Variants in DNAJB11 observed in about 807,000 individuals in gnomAD.
The protein encoded by DNAJB11 is DnaJ heat shock protein family (Hsp40) member B11, also known as dnaJ homolog subfamily B member 11.
A neutral mutation model predicts 47.2 loss-of-function variants in DNAJB11; 30 were observed. The ratio of observed to expected loss-of-function variants is 0.64; its 90% CI spans 0.48 to 0.86. The LOEUF is 0.86. Ranked by LOEUF, DNAJB11 falls within the 40% of genes least tolerant of loss-of-function variation. The pLI is 0.00. For missense variants in DNAJB11, 357 were observed against 440.2 expected (o/e 0.81, Z 1.69); for synonymous variants, 151 against 159.9 (o/e 0.94, Z 0.42).
intron 7 of DNAJB11, among the ~76,000 whole-genome samples, 188 bp downstream of exon 7, chr3:186,582,961 T>C (rs184418079): frequency 1.1e-4 from 16 of 152,336 alleles, no homozygotes; most frequent in African/African-American, 3.6e-4. Context: ...ATTTATTTAC[T>C]TAGGACTTAA....
At chr3:186,572,019 G>A in intron 1 of DNAJB11, 76 bp from the exon 2 acceptor site, 1 of 1,330,674 alleles carries the variant, frequency 7.5e-7, no homozygotes, top group Non-Finnish European at 1.0e-6. Context: ...TAAATGTAGA[G>A]GAAAAATAAA....
chr3:186,579,195 GGA>G (rs1715400810), intron 4 of DNAJB11: 1 of 152,108 alleles, frequency 6.6e-6, no homozygotes, highest in Non-Finnish European at 1.5e-5. Flanking sequence ...TTTAAATTCT[GGA>G]AAATATGTCT....
chr3:186,585,449 G>C lies in DNAJB11; in HGVS notation c.*41G>C. 6.8e-7 allele frequency: 1 copy of C among 1,475,902 alleles called. No homozygotes were observed. The highest frequency in any genetic ancestry group is 9.3e-7 in the Non-Finnish European group (1 of 1,073,014). The allele number at this position is 1,475,902 out of a possible 1,614,324, so 91.4% of individuals were successfully genotyped here. On this transcript the variant is annotated 3_prime_UTR_variant, in exon 10 of 10. Coordinates refer to ENST00000265028, the MANE Select transcript of DNAJB11 (RefSeq NM_016306.6). Reference sequence around the variant, plus strand: ...GACTTTGTTTAAAATAAGTGAATAAGCGATATTTATTATCTGCAAGGTTTT... The same window carrying C: ...GACTTTGTTTAAAATAAGTGAATAACCGATATTTATTATCTGCAAGGTTTT...
At position 186,572,421 on chromosome 3, in the gene DNAJB11, A is replaced by G. The variant is rs536442302; in HGVS notation, c.225+170A>G. Among the ~76,000 whole-genome samples, 192 of 152,174 alleles carry G rather than the reference A, an allele frequency of 1.3e-3. 1 individual carries two copies. The highest frequency in any genetic ancestry group is 4.4e-3 in the African/African-American group (184 of 41,504). On this transcript the variant is annotated intron_variant, in intron 2 of 9. Transcript: ENST00000265028. Reference sequence around the variant, plus strand: ...CAGTGGTGCAATCTCCGCTCACTGCAACGTCCACCTCCTGGGTTCAAGCAG... The same window carrying G: ...CAGTGGTGCAATCTCCGCTCACTGCGACGTCCACCTCCTGGGTTCAAGCAG...
At position 186,583,869 on chromosome 3, in the gene DNAJB11, C is replaced by T. The variant is rs1715569952; in HGVS notation, c.745C>T (p.Pro249Ser). 1 of 1,609,506 alleles carries T rather than the reference C, an allele frequency of 6.2e-7. No individual in the cohort carries two copies. The highest frequency in any genetic ancestry group is 8.5e-7 in the Non-Finnish European group (1 of 1,176,410). The change falls in exon 8 of 10, where the codon CCA (proline) becomes TCA (serine). Residue 249 changes from proline to serine, a missense_variant. Coordinates refer to ENST00000265028, the MANE Select transcript of DNAJB11 (RefSeq NM_016306.6). ...TTTACCTTATTCTGTTTTTAGGCAC[C>T]CAATATTTGAAAGGAGAGGAGATGA... The part of the protein sequence containing the change: ...LRFRIKVVKH[P>S]IFERRGDDLY...
In DNAJB11 at chr3:186,584,549, G is replaced by A. The variant is rs768280859; in HGVS notation, c.972G>A (p.Val324=). ...GCTCTTTGATAATCACTTTTGATGTGGATTTTCCAAAAGAACAGTTAACAG... is the reference window on the plus strand; with the variant it reads ...GCTCTTTGATAATCACTTTTGATGTAGATTTTCCAAAAGAACAGTTAACAG... ...IKGSLIITFD[V]DFPKEQLTEE... The change falls in exon 9 of 10, where the codon GTG becomes GTA. Residue 324 remains valine (V), a synonymous_variant. Coordinates refer to ENST00000265028, the MANE Select transcript of DNAJB11 (RefSeq NM_016306.6). The A allele has an allele frequency of 1.0e-5, 16 of 1,596,920 alleles. No individual in the cohort carries two copies. The highest frequency in any genetic ancestry group is 1.4e-5 in the Non-Finnish European group (16 of 1,174,518).
rs372242752 is a variant in DNAJB11, at chr3:186,572,065, A to T, written c.69-30A>T. ...TGAAAAATGTAACATGTAACTCTTT[A>T]ATGAAGTATTCTCTCCCTCTACTTC... On this transcript the variant is annotated intron_variant, in intron 1 of 9. Coordinates refer to ENST00000265028, the MANE Select transcript of DNAJB11 (RefSeq NM_016306.6). 7.2e-6 allele frequency: 11 copies of T among 1,523,136 alleles called. No homozygotes were observed. In the African/African-American group the frequency reaches 1.4e-4, roughly 19 times the overall value. 94.4% of individuals were successfully genotyped at this position (1,523,136 alleles called of 1,614,324 possible).
intron 4 of DNAJB11, chr3:186,580,933 TAGG>T (rs923551404): frequency 7.8e-5 from 12 of 153,036 alleles, no homozygotes; most frequent in African/African-American, 2.6e-4. Context: ...ACATTTTCAG[TAGG>T]TTAACCAGAG....
Position 186,584,495 on chromosome 3 carries a change from C to T in DNAJB11, c.918C>T (p.Leu306=). 6.2e-7 allele frequency: 1 copy of T among 1,600,924 alleles called. No homozygotes were observed. The highest frequency in any genetic ancestry group is 8.5e-7 in the Non-Finnish European group (1 of 1,175,804). ...GAKLWKKGEG[L]PNFDNNNIKG... is the part of the protein sequence containing the mutation. ...AGCTATGGAAGAAAGGGGAAGGGCTCCCCAACTTTGACAACAACAATATCA... is the reference window on the plus strand; with the variant it reads ...AGCTATGGAAGAAAGGGGAAGGGCTTCCCAACTTTGACAACAACAATATCA... The change falls in exon 9 of 10, where the codon CTC becomes CTT. Residue 306 remains leucine, a synonymous_variant. Coordinates refer to ENST00000265028, the MANE Select transcript of DNAJB11 (RefSeq NM_016306.6).
intron 4 of DNAJB11, 158 bp from the exon 5 acceptor site, chr3:186,581,213 C>T (rs1197774737): frequency 4.0e-6 from 3 of 745,092 alleles, no homozygotes; most frequent in East Asian, 2.8e-5. Context: ...CTGATTTGTA[C>T]TCTTCAAAGA....
chr3:186,576,099 A>G (rs112709469), intron 3 of DNAJB11, among the ~76,000 whole-genome samples, 162 bp downstream of exon 3: 2,269 of 152,344 alleles, frequency 0.015, 27 homozygotes, highest in Non-Finnish European at 0.022. Context: ...ATAGTCTTCT[A>G]TTTTCACAAA....
chr3:186,581,538 C>T, intron 5 of DNAJB11, 25 bp downstream of exon 5: 1 of 1,607,408 alleles, frequency 6.2e-7, no homozygotes, highest in East Asian at 2.2e-5. Flanking sequence ...CTTCTTTGTT[C>T]TACCAAGAAA....
chr3:186,584,941 G>C (rs1715631234), intron 9 of DNAJB11, among the ~76,000 whole-genome samples: 2 of 152,160 alleles, frequency 1.3e-5, no homozygotes, highest in African/African-American at 4.8e-5. Context: ...GCATGTCTAG[G>C]ATGACTGGTT....
Position 186,570,984 on chromosome 3 carries a change from C to T in DNAJB11, c.68+19C>T. On this transcript the variant is annotated intron_variant, in intron 1 of 9. Transcript: ENST00000265028. ...TTGCCGGGTGAGGAACAGACACTCG[C>T]AGACAACGGGGCCTGTGGGTCAGCC... 2 of 1,509,912 alleles carry T rather than the reference C, an allele frequency of 1.3e-6. No homozygotes were observed. The highest frequency in any genetic ancestry group is 1.8e-6 in the Non-Finnish European group (2 of 1,112,196). The allele number at this position is 1,509,912 out of a possible 1,614,324, so 93.5% of individuals were successfully genotyped here.
chr3:186,572,993 G>C (rs1715137085), intron 2 of DNAJB11, among the ~76,000 whole-genome samples: 1 of 152,152 alleles, frequency 6.6e-6, no homozygotes, highest in Non-Finnish European at 1.5e-5. Context: ...ACAGAGCACA[G>C]TTTTAATTTG....
Position 186,570,872 on chromosome 3 carries a change from G to T in DNAJB11, c.-26G>T. 6.3e-7 allele frequency: 1 copy of T among 1,596,592 alleles called. No individual in the cohort carries two copies. Among genetic ancestry groups the T allele is most frequent in the Non-Finnish European group, 8.5e-7 (1 of 1,171,328 alleles). ...GCGGAGGAGGCTGTGAGGAGTGTGT[G>T]GAACAGGACCCGGGACAGAGGAACC... On this transcript the variant is annotated 5_prime_UTR_variant, in exon 1 of 10. Transcript: ENST00000265028.
At chr3:186,579,283 C>T (rs977749064) in intron 4 of DNAJB11, 1 of 152,138 alleles carries the variant, frequency 6.6e-6, no homozygotes, top group Non-Finnish European at 1.5e-5. Flanking sequence ...AATAAATTTT[C>T]TTTATCCTTC....
At chr3:186,571,341 A>G (rs2108472133) in intron 1 of DNAJB11, among the ~76,000 whole-genome samples, 1 of 152,252 alleles carries the variant, frequency 6.6e-6, no homozygotes, top group African/African-American at 2.4e-5. Context: ...AAAGATAGTG[A>G]CAGTGCCAGG....
intron 1 of DNAJB11, among the ~76,000 whole-genome samples, chr3:186,571,185 T>C (rs1715037918): frequency 6.6e-6 from 1 of 151,648 alleles, no homozygotes; most frequent in South Asian, 2.1e-4. Context: ...CCAGAGAGGG[T>C]CTTAGGTAGA....
Sources: gnomAD v4.1 joint callset for allele counts (sites outside exome capture counted in the v4.1 genomes callset) on GRCh38, gnomAD v4.1.1 for gene constraint, MANE v1.5 for transcripts, NCBI Gene and HGNC (gene_info 2026-07-23, HGNC 2026-07-21) for gene names.